The following ALK variants were observed in gnomAD, a reference collection of about 807,000 sequenced individuals.
The protein encoded by ALK is ALK receptor tyrosine kinase.
A neutral mutation model predicts 163.1 loss-of-function variants in ALK; 74 were observed. The ratio of observed to expected loss-of-function variants is 0.45; its 90% CI spans 0.38 to 0.55. ALK has a LOEUF of 0.55. ALK is among the 20% of genes least tolerant of loss of function. ALK has a pLI of 0.00. For synonymous variants in ALK, 960 were observed against 843.2 expected, an observed-to-expected ratio of 1.14 and a Z score of -2.40; for missense variants, 2,063 against 2,105.3, an observed-to-expected ratio of 0.98 and a Z score of 0.39.
chr2:29,901,754 G>A (rs1447504563), intron 1 of ALK, among the ~76,000 whole-genome samples: 3 of 152,218 alleles, frequency 2.0e-5, no homozygotes, highest in Non-Finnish European at 4.4e-5. Flanking sequence ...ATCTATGAAG[G>A]ATTGGAGAGG....
intron 1 of ALK, among the ~76,000 whole-genome samples, chr2:29,801,721 C>T (rs1171841336): frequency 6.6e-6 from 1 of 152,176 alleles, no homozygotes; most frequent in Non-Finnish European, 1.5e-5. Context: ...TAGTGCAAAC[C>T]ATAAAAGTTA....
intron 1 of ALK, among the ~76,000 whole-genome samples, chr2:29,884,398 C>A (rs755337954): frequency 1.8e-4 from 27 of 152,024 alleles, no homozygotes; most frequent in Non-Finnish European, 3.7e-4. Flanking sequence ...TTGATATGTG[C>A]CATAGATTGA....
intron 4 of ALK, among the ~76,000 whole-genome samples, chr2:29,415,570 G>T (rs921941844): frequency 1.3e-5 from 2 of 152,076 alleles, no homozygotes; most frequent in African/African-American, 4.8e-5. Flanking sequence ...GAAAACACAG[G>T]CTCCCCAATC....
chr2:29,416,421 C>T (rs1274583646), intron 4 of ALK, among the ~76,000 whole-genome samples: 1 of 152,158 alleles, frequency 6.6e-6, no homozygotes, highest in African/African-American at 2.4e-5. Flanking sequence ...TCATGAAGTC[C>T]CCTTCTTGTT....
chr2:29,806,684 TC>T (rs1664625660), intron 1 of ALK, among the ~76,000 whole-genome samples: 1 of 152,248 alleles, frequency 6.6e-6, no homozygotes, highest in South Asian at 2.1e-4. Context: ...CTTAAAGCCT[TC>T]CGGGGGAAGG....
intron 1 of ALK, among the ~76,000 whole-genome samples, chr2:29,894,913 A>G (rs1243053003): frequency 6.6e-6 from 1 of 151,976 alleles, no homozygotes; most frequent in African/African-American, 2.4e-5. Context: ...TTGGTGGTCA[A>G]TATCTCCTAT....
chr2:29,779,056 T>C (rs933538835), intron 1 of ALK, among the ~76,000 whole-genome samples: 1 of 151,764 alleles, frequency 6.6e-6, no homozygotes, highest in Non-Finnish European at 1.5e-5. Context: ...CTTGGGAGGC[T>C]GAGGCAGGAG....
chr2:29,889,699 G>C (rs1485286765), intron 1 of ALK, among the ~76,000 whole-genome samples: 5 of 1,902 alleles, frequency 2.6e-3, no homozygotes, highest in African/African-American at 0.016. Context: ...GATAGACAGA[G>C]AGAGAGAGAG....
chr2:29,443,607 T>C (rs892130397), intron 4 of ALK, among the ~76,000 whole-genome samples: 1 of 152,170 alleles, frequency 6.6e-6, no homozygotes, highest in African/African-American at 2.4e-5. Flanking sequence ...TCTCACCCCT[T>C]AGGGTGCAGG....
Position 29,394,043 on chromosome 2 carries a change from A to T in ALK, c.1155-10184T>A, listed in dbSNP as rs1024191806. Among the ~76,000 whole-genome samples, 7 of 152,226 alleles carry T rather than the reference A, an allele frequency of 4.6e-5. No individual in the cohort carries two copies. In the East Asian group the frequency reaches 5.8e-4, roughly 13 times the overall value. The stretch of plus-strand genomic sequence containing the variant: ...ATCATGGATGAGGTGTTATGAATGT[A>T]ATTTATGAGAAAGACAATGAGGAAC... On this transcript the variant is annotated intron_variant, in intron 4 of 28. Coordinates refer to ENST00000389048, the MANE Select transcript of ALK (RefSeq NM_004304.5).
At chr2:29,809,159 T>G (rs1664691186) in intron 1 of ALK, among the ~76,000 whole-genome samples, 1 of 152,236 alleles carries the variant, frequency 6.6e-6, no homozygotes, top group South Asian at 2.1e-4. Flanking sequence ...GAAGAGCATT[T>G]ACTTAAGCAA....
At chr2:29,552,881 C>T (rs1673752984) in intron 3 of ALK, among the ~76,000 whole-genome samples, 1 of 152,194 alleles carries the variant, frequency 6.6e-6, no homozygotes, top group Admixed American at 6.5e-5. Context: ...TCCAGCCTCC[C>T]ATCCTGCCTG....
intron 5 of ALK, among the ~76,000 whole-genome samples, chr2:29,353,026 G>A (rs1254272442): frequency 6.6e-6 from 1 of 152,226 alleles, no homozygotes; most frequent in African/African-American, 2.4e-5. Flanking sequence ...GGACCAGACT[G>A]CCTTTGTAGG....
At chr2:29,521,226 G>A (rs1000806745) in intron 4 of ALK, among the ~76,000 whole-genome samples, 23 of 152,142 alleles carry the variant, frequency 1.5e-4, no homozygotes, top group African/African-American at 5.5e-4. Context: ...GTAACCTGGT[G>A]CCCTCAGGTG....
chr2:29,478,217 T>C (rs575181831), intron 4 of ALK, among the ~76,000 whole-genome samples: 72 of 152,350 alleles, frequency 4.7e-4, no homozygotes, highest in African/African-American at 1.7e-3. Flanking sequence ...CATATGAATA[T>C]GGCCCATGTT....
At chr2:29,705,323 C>T (rs1306457171) in intron 2 of ALK, among the ~76,000 whole-genome samples, 3 of 132,498 alleles carry the variant, frequency 2.3e-5, no homozygotes, top group African/African-American at 5.4e-5. Flanking sequence ...TAATGAATGT[C>T]GCCATGCTTT....
intron 5 of ALK, among the ~76,000 whole-genome samples, chr2:29,358,458 C>T (rs900962609): frequency 6.6e-6 from 1 of 152,130 alleles, no homozygotes; most frequent in Non-Finnish European, 1.5e-5. Context: ...AGTGATTGGG[C>T]CTATGGTTCA....
rs144959266 is a variant in ALK, at chr2:29,478,991, C to T, written c.1154+52924G>A. Among the ~76,000 whole-genome samples, 252 of 152,212 alleles carry T rather than the reference C, an allele frequency of 1.7e-3. 1 individual carries two copies. The highest frequency in any genetic ancestry group is 5.0e-3 in the African/African-American group (206 of 41,530). The stretch of plus-strand genomic sequence containing the variant: ...TAGGACCCTAGACCTAAGTGAATGC[C>T]GTCTAATGAAGCCTTGCCATGACAT... On this transcript the variant is annotated intron_variant, in intron 4 of 28. Coordinates refer to ENST00000389048, the MANE Select transcript of ALK (RefSeq NM_004304.5).
rs570971262 is a variant in ALK at position 29,760,780 on chromosome 2, C to G, written c.668-43083G>C. On this transcript the variant is annotated intron_variant, in intron 1 of 28. Transcript: ENST00000389048. ...TTTGAAACTCTGGAACCCAACCATG[C>G]AGAGAACTTTGCAGACAACTCAAAA... is the stretch of plus-strand genomic sequence containing the variant. 2.0e-5 allele frequency among the ~76,000 whole-genome samples: 3 copies of G among 152,292 alleles called. No individual in the cohort carries two copies. In the East Asian group the frequency reaches 5.8e-4, roughly 29 times the overall value.
Sources: gnomAD v4.1 joint callset for allele counts (sites outside exome capture counted in the v4.1 genomes callset) on GRCh38, gnomAD v4.1.1 for gene constraint, MANE v1.5 for transcripts, NCBI Gene and HGNC (gene_info 2026-07-23, HGNC 2026-07-21) for gene names.